SLC9A3: variants seen among roughly 807,000 people sequenced by gnomAD.
SLC9A3 encodes the protein sodium/hydrogen exchanger 3.
A neutral mutation model predicts 86.8 loss-of-function variants in SLC9A3; 37 were observed. That is an observed-to-expected ratio of 0.43 (90% confidence interval 0.33 to 0.56). The LOEUF (loss-of-function observed/expected upper bound fraction) is 0.56, where lower values mean the gene tolerates loss of function less well. Among genes scored for constraint, SLC9A3 ranks in the 20% least tolerant of loss-of-function variants. The pLI is 0.06. For synonymous variants in SLC9A3, 581 were observed against 528.3 expected, an observed-to-expected ratio of 1.10 and a Z score of -1.37; for missense variants, 1,011 against 1,171.9, an observed-to-expected ratio of 0.86 and a Z score of 2.00.
intron 1 of SLC9A3, among the ~76,000 whole-genome samples, chr5:516,760 C>T (rs1176823042): frequency 2.6e-5 from 4 of 152,194 alleles, no homozygotes; most frequent in South Asian, 2.1e-4. Context: ...TGCTCTGAGC[C>T]GATGCTGCAA....
rs117672865 is a variant in SLC9A3 at position 518,063 on chromosome 5, C to A, written c.211+6049G>T. On this transcript the variant is annotated intron_variant, in intron 1 of 16. Transcript: ENST00000264938. ...CACATGTCCATTCACGTGCTCAGAT[C>A]TGCAGGACTCTGCTGGGGACAGGCA... Among the ~76,000 whole-genome samples, 9 of 152,370 alleles carry A rather than the reference C, an allele frequency of 5.9e-5. No homozygotes were observed. The East Asian group carries it at 1.7e-3, about 29-fold the overall frequency.
intron 1 of SLC9A3, among the ~76,000 whole-genome samples, chr5:514,447 C>T (rs923481524): frequency 6.6e-6 from 1 of 152,236 alleles, no homozygotes; most frequent in Non-Finnish European, 1.5e-5. Flanking sequence ...TCCTGGGGCC[C>T]ACCCTGCCCC....
chr5:476,658 C>T lies in SLC9A3; in HGVS notation c.1775G>A (p.Ser592Asn), dbSNP rs1288465863. The stretch of plus-strand genomic sequence containing the variant: ...AGACTGCATGTCCAGGCAGACAGCG[C>T]TGACATTTTCTCTCCTGCGTGGGGA... Reference protein sequence around the residue: ...SVSYLLRENVSAVCLDMQSLE... With the variant: ...SVSYLLRENVNAVCLDMQSLE... The change falls in exon 12 of 17, where the codon AGC (serine) becomes AAC (asparagine). Residue 592 changes from serine to asparagine, a missense_variant. This residue lies in a region of SLC9A3 where 397 missense variants were observed against 346.3 expected (regional missense o/e 1.15). Coordinates refer to ENST00000264938, the MANE Select transcript of SLC9A3 (RefSeq NM_004174.4). 6.2e-7 allele frequency: 1 copy of T among 1,605,638 alleles called. No individual in the cohort carries two copies. The highest frequency in any genetic ancestry group is 1.7e-5 in the Admixed American group (1 of 60,022).
rs1470261985 is a variant in SLC9A3 at position 473,136 on chromosome 5, C to A, written c.*243G>T. ...ACGCGCGTGCGCACTCGGCAGCCCTCGGCGCTCCGGCCCCGCCCCCGGCGC... is the reference window on the plus strand; with the variant it reads ...ACGCGCGTGCGCACTCGGCAGCCCTAGGCGCTCCGGCCCCGCCCCCGGCGC... On this transcript the variant is annotated 3_prime_UTR_variant, in exon 17 of 17. Coordinates refer to ENST00000264938, the MANE Select transcript of SLC9A3 (RefSeq NM_004174.4). 1.2e-4 allele frequency: 29 copies of A among 240,476 alleles called. 1 individual carries two copies. Among genetic ancestry groups the A allele is most frequent in the Middle Eastern group, 1.4e-3 (1 of 734 alleles). 14.9% of individuals were successfully genotyped at this position (240,476 alleles called of 1,614,324 possible). A position where few individuals can be genotyped will look rare whatever the true frequency, so the allele number is the denominator to read the frequency against.
At chr5:507,255 G>A (rs1255485367) in intron 1 of SLC9A3, among the ~76,000 whole-genome samples, 48 of 117,050 alleles carry the variant, frequency 4.1e-4, no homozygotes, top group African/African-American at 1.6e-3. Flanking sequence ...TGCAAGCTCC[G>A]CTCCCGGGTT....
chr5:489,013 G>A (rs1326719853), intron 2 of SLC9A3, among the ~76,000 whole-genome samples: 5 of 152,184 alleles, frequency 3.3e-5, no homozygotes, highest in South Asian at 2.1e-4. Context: ...GCTCCCGGCC[G>A]GCTTCCCTCC....
chr5:493,411 G>A (rs534237387), intron 1 of SLC9A3, among the ~76,000 whole-genome samples: 13 of 152,368 alleles, frequency 8.5e-5, no homozygotes, highest in African/African-American at 2.2e-4. Context: ...CAGTGGCCAC[G>A]TCCCACCCTT....
At chr5:508,907 C>T (rs1451346646) in intron 1 of SLC9A3, among the ~76,000 whole-genome samples, 1 of 151,128 alleles carries the variant, frequency 6.6e-6, no homozygotes, top group Non-Finnish European at 1.5e-5. Flanking sequence ...CCAGGAGTTC[C>T]AGACCAGCCT....
intron 1 of SLC9A3, among the ~76,000 whole-genome samples, chr5:512,644 G>T (rs1446233776): frequency 6.6e-6 from 1 of 152,160 alleles, no homozygotes; most frequent in Non-Finnish European, 1.5e-5. Flanking sequence ...TCAATATTCT[G>T]TAAATCTACA....
chr5:483,159 G>A, intron 6 of SLC9A3, 103 bp downstream of exon 6: 1 of 901,630 alleles, frequency 1.1e-6, no homozygotes, highest in East Asian at 2.7e-5. Flanking sequence ...CCTTGCACGG[G>A]GCTGCACCTC....
intron 1 of SLC9A3, among the ~76,000 whole-genome samples, chr5:500,919 G>C (rs1364278880): frequency 3.3e-5 from 5 of 151,844 alleles, no homozygotes; most frequent in Admixed American, 3.3e-4. Context: ...GGCTGGTGTG[G>C]ACACGGGCCG....
chr5:485,753 G>A (rs1739433217), intron 3 of SLC9A3, among the ~76,000 whole-genome samples: 1 of 152,270 alleles, frequency 6.6e-6, no homozygotes, highest in Admixed American at 6.5e-5. Context: ...GGCCCCTGGG[G>A]AGAACCTGGC....
intron 1 of SLC9A3, among the ~76,000 whole-genome samples, chr5:514,485 G>A (rs536613946): frequency 2.0e-5 from 3 of 152,230 alleles, no homozygotes; most frequent in Non-Finnish European, 4.4e-5. Flanking sequence ...TTGCCTGTCG[G>A]GGGCTTTGCT....
intron 1 of SLC9A3, among the ~76,000 whole-genome samples, chr5:500,911 C>T (rs1740249620): frequency 1.3e-5 from 2 of 151,218 alleles, no homozygotes; most frequent in Non-Finnish European, 1.5e-5. Flanking sequence ...GTGGACGAGG[C>T]TGGTGTGGAC....
Position 496,162 on chromosome 5 carries a change from C to T in SLC9A3, c.212-4091G>A, listed in dbSNP as rs889987552. 8.5e-5 allele frequency among the ~76,000 whole-genome samples: 13 copies of T among 152,346 alleles called. No individual in the cohort carries two copies. Among genetic ancestry groups the T allele is most frequent in the African/African-American group, 2.2e-4 (9 of 41,586 alleles). ...AAACGCCGCATAGGTGGGAGGGCGG[C>T]GGTTTGGAACATTCTGCCATCCGGG... On this transcript the variant is annotated intron_variant, in intron 1 of 16. Transcript: ENST00000264938. This position sits in a 1 kb window ranked among gnomAD's most constrained non-coding sequence, Gnocchi z 4.7.
intron 8 of SLC9A3, 24 bp downstream of exon 8, chr5:482,044 C>A (rs753375428): frequency 3.2e-6 from 2 of 630,016 alleles, no homozygotes; most frequent in Admixed American, 2.5e-5. Flanking sequence ...GTGCCCCCCC[C>A]CCGCCCCCCA....
intron 10 of SLC9A3, chr5:479,546 G>T (rs932487670): frequency 7.7e-6 from 3 of 391,218 alleles, no homozygotes; most frequent in Non-Finnish European, 4.8e-6. Context: ...CCTGCTTACC[G>T]TCTGCTCCCA....
At position 513,924 on chromosome 5, in the gene SLC9A3, G is replaced by A. The variant is rs972483947; in HGVS notation, c.211+10188C>T. ...GGCTCCTCTCCCTCTGAAGGCAGGCGGGCCACGCACAGCCACTGGAGCTTC... is the reference window on the plus strand; with the variant it reads ...GGCTCCTCTCCCTCTGAAGGCAGGCAGGCCACGCACAGCCACTGGAGCTTC... On this transcript the variant is annotated intron_variant, in intron 1 of 16. Transcript: ENST00000264938. Among the ~76,000 whole-genome samples the A allele has an allele frequency of 9.2e-5, 14 of 152,342 alleles. No individual in the cohort carries two copies. The East Asian group carries it at 1.4e-3, about 15-fold the overall frequency.
rs1217088731 is a variant in SLC9A3 at position 475,537 on chromosome 5, A to ACGACGCCTGTGC, written c.2251+12_2251+23dup. 3 of 1,430,000 alleles carry ACGACGCCTGTGC rather than the reference A, an allele frequency of 2.1e-6. No individual in the cohort carries two copies. The East Asian group carries it at 7.4e-5, about 35-fold the overall frequency. 88.6% of individuals were successfully genotyped at this position (1,430,000 alleles called of 1,614,324 possible). On this transcript the variant is annotated intron_variant, in intron 15 of 16. Coordinates refer to ENST00000264938, the MANE Select transcript of SLC9A3 (RefSeq NM_004174.4). The stretch of plus-strand genomic sequence containing the variant: ...GGCAGGAGCCACCCCTCCCTTAGCC[A>ACGACGCCTGTGC]CGACGCCTGTGCCCCGTCCCCACCT...
Sources: allele counts gnomAD v4.1 joint callset (sites outside exome capture counted in the v4.1 genomes callset), GRCh38; gene constraint gnomAD v4.1.1; regional missense constraint gnomAD v4.1.1; non-coding constraint Gnocchi (gnomAD v3.1); transcripts MANE v1.5; gene names NCBI Gene and HGNC (gene_info 2026-07-23, HGNC 2026-07-21).